The following GRIK4 variants were observed in gnomAD, a reference collection of about 807,000 sequenced individuals.
The protein encoded by GRIK4 is glutamate ionotropic receptor kainate type subunit 4.
Under a neutral mutation model 104.9 loss-of-function variants are expected in GRIK4, and 40 were observed. The observed-to-expected ratio is 0.38, with a 90% CI of 0.30 to 0.50. The LOEUF is 0.50. Ranked by LOEUF, GRIK4 falls within the 20% of genes least tolerant of loss-of-function variation. The probability of loss-of-function intolerance (pLI) is 0.93; values close to 1 mark genes in which losing one functional copy is unlikely to be tolerated. For missense variants in GRIK4, 1,047 were observed against 1,308.1 expected, an observed-to-expected ratio of 0.80 and a Z score of 3.08; for synonymous variants, 485 against 524.9, an observed-to-expected ratio of 0.92 and a Z score of 1.04.
rs73003736 is a variant in GRIK4 at position 120,823,359 on chromosome 11, G to A, written c.511+3439G>A. ...GCTAATACTGTTGCCTCCCAGCCCA[G>A]GGCTCTTCCCATTAGAATTATGACA... is the stretch of plus-strand genomic sequence containing the variant. On this transcript the variant is annotated intron_variant, in intron 6 of 20. Transcript: ENST00000527524. 4.2e-3 allele frequency among the ~76,000 whole-genome samples: 638 copies of A among 152,308 alleles called. 8 individuals are homozygous for A. The highest frequency in any genetic ancestry group is 7.5e-3 in the Non-Finnish European group (511 of 68,018).
At chr11:120,915,729 G>A (rs1164779712) in intron 13 of GRIK4, among the ~76,000 whole-genome samples, 2 of 152,196 alleles carry the variant, frequency 1.3e-5, no homozygotes, top group Non-Finnish European at 2.9e-5. Flanking sequence ...GCCACCAGGA[G>A]GGAAGGGAGT....
At chr11:120,687,633 C>T (rs1950296686) in intron 3 of GRIK4, among the ~76,000 whole-genome samples, 1 of 152,094 alleles carries the variant, frequency 6.6e-6, no homozygotes, top group Admixed American at 6.5e-5. Flanking sequence ...ATAGGCTGTA[C>T]CTGCTGTGAT....
intron 1 of GRIK4, among the ~76,000 whole-genome samples, chr11:120,625,276 T>C (rs1324137520): frequency 6.6e-6 from 1 of 151,816 alleles, no homozygotes; most frequent in African/African-American, 2.4e-5. Context: ...AAGTTTCCTA[T>C]GGTGGTTGGT....
Position 120,986,378 on chromosome 11 carries a change from G to A in GRIK4, c.*118G>A, listed in dbSNP as rs1360996455. On this transcript the variant is annotated 3_prime_UTR_variant, in exon 21 of 21. Coordinates refer to ENST00000527524, the MANE Select transcript of GRIK4 (RefSeq NM_014619.5). ...AGCGTCGACACCTCTCCAGATTTCGGATCCAGTCACTTTTCAAAAAGATCA... is the reference window on the plus strand; with the variant it reads ...AGCGTCGACACCTCTCCAGATTTCGAATCCAGTCACTTTTCAAAAAGATCA... The A allele has an allele frequency of 7.9e-7, 1 of 1,269,620 alleles. No homozygotes were observed. 78.6% of individuals were successfully genotyped at this position (1,269,620 alleles called of 1,614,324 possible). A position where few individuals can be genotyped will look rare whatever the true frequency, so the allele number is the denominator to read the frequency against.
At chr11:120,741,730 TC>T (rs1259038701) in intron 3 of GRIK4, among the ~76,000 whole-genome samples, 3 of 152,328 alleles carry the variant, frequency 2.0e-5, no homozygotes, top group East Asian at 3.9e-4. Context: ...CCTTCTGTTT[TC>T]ATTCATGGAT....
At chr11:120,923,302 A>C (rs1470022617) in intron 13 of GRIK4, among the ~76,000 whole-genome samples, 1 of 152,170 alleles carries the variant, frequency 6.6e-6, no homozygotes, top group East Asian at 1.9e-4. Flanking sequence ...CTCGTGCACA[A>C]AGGATGGAGA....
intron 8 of GRIK4, among the ~76,000 whole-genome samples, chr11:120,841,474 T>C (rs1953715058): frequency 6.6e-6 from 1 of 152,344 alleles, no homozygotes; most frequent in Middle Eastern, 3.4e-3. Flanking sequence ...ACTATGTGTG[T>C]GTAGACACAC....
Position 120,560,558 on chromosome 11 carries a change from A to T in GRIK4, c.-159+48671A>T, listed in dbSNP as rs114988119. Among the ~76,000 whole-genome samples the T allele has an allele frequency of 2.7e-3, 410 of 152,352 alleles. 4 individuals carry two copies. Among genetic ancestry groups the T allele is most frequent in the African/African-American group, 9.3e-3 (388 of 41,576 alleles). On this transcript the variant is annotated intron_variant, in intron 1 of 20. Coordinates refer to ENST00000527524, the MANE Select transcript of GRIK4 (RefSeq NM_014619.5). ...TATGGTATAGCTAGACTTATATACA[A>T]GTCTGGGAAGAAAGAGTGTTTCCAT...
At chr11:120,769,968 C>A (rs890488565) in intron 3 of GRIK4, among the ~76,000 whole-genome samples, 3 of 152,172 alleles carry the variant, frequency 2.0e-5, no homozygotes, top group African/African-American at 7.2e-5. Context: ...ATAATTAATT[C>A]TTTAAAATAA....
intron 13 of GRIK4, among the ~76,000 whole-genome samples, chr11:120,930,053 C>G (rs1276326749): frequency 1.3e-5 from 2 of 151,962 alleles, no homozygotes; most frequent in African/African-American, 4.8e-5. Flanking sequence ...TGGCTCTTCA[C>G]TAGGGACTGA....
chr11:120,703,610 T>C (rs565025174), intron 3 of GRIK4, among the ~76,000 whole-genome samples: 1 of 152,076 alleles, frequency 6.6e-6, no homozygotes, highest in South Asian at 2.1e-4. Flanking sequence ...TATGTACCAC[T>C]TATAAATCCT....
chr11:120,753,672 G>C (rs931129999), intron 3 of GRIK4, among the ~76,000 whole-genome samples: 1 of 152,178 alleles, frequency 6.6e-6, no homozygotes. Context: ...CTTAGGTGCT[G>C]TGGGGGAGAC....
intron 3 of GRIK4, among the ~76,000 whole-genome samples, chr11:120,753,313 G>GTGTGTGTGTA (rs1555055655): frequency 6.7e-4 from 74 of 110,400 alleles, no homozygotes; most frequent in African/African-American, 2.3e-3. Context: ...GTGTGTGTGT[G>GTGTGTGTGTA]TGTGTGTGTG....
chr11:120,797,027 T>C (rs958139668), intron 3 of GRIK4, among the ~76,000 whole-genome samples: 2 of 151,872 alleles, frequency 1.3e-5, no homozygotes, highest in Non-Finnish European at 2.9e-5. Flanking sequence ...GGGCACAGGG[T>C]GAAGTTCTTG....
intron 3 of GRIK4, among the ~76,000 whole-genome samples, chr11:120,669,232 G>T (rs1949973278): frequency 6.6e-6 from 1 of 152,104 alleles, no homozygotes; most frequent in Admixed American, 6.5e-5. Context: ...AGCATTTTTT[G>T]AAACCTTATT....
At chr11:120,921,251 G>C (rs1943221631) in intron 13 of GRIK4, among the ~76,000 whole-genome samples, 5 of 152,198 alleles carry the variant, frequency 3.3e-5, no homozygotes, top group Admixed American at 3.3e-4. Context: ...TCACTAGAAT[G>C]TAAGTTTCCT....
chr11:120,682,961 G>A (rs190764343), intron 3 of GRIK4, among the ~76,000 whole-genome samples: 11 of 152,072 alleles, frequency 7.2e-5, no homozygotes, highest in Admixed American at 3.9e-4. Flanking sequence ...GTTAAGTGTC[G>A]TGTTCTCTGT....
intron 2 of GRIK4, among the ~76,000 whole-genome samples, chr11:120,658,842 C>T (rs1023046176): frequency 9.6e-5 from 14 of 145,934 alleles, no homozygotes; most frequent in South Asian, 2.2e-4. Flanking sequence ...TCCACCTCCC[C>T]GGTTCACGCC....
chr11:120,673,848 TCTGA>T (rs1195095966), intron 3 of GRIK4, among the ~76,000 whole-genome samples: 1 of 152,182 alleles, frequency 6.6e-6, no homozygotes, highest in Admixed American at 6.5e-5. Context: ...CTTGACCAGT[TCTGA>T]CTGTTTGCTT....
Sources: gnomAD v4.1 joint callset for allele counts (sites outside exome capture counted in the v4.1 genomes callset) on GRCh38, gnomAD v4.1.1 for gene constraint, MANE v1.5 for transcripts, NCBI Gene and HGNC (gene_info 2026-07-23, HGNC 2026-07-21) for gene names.